The following SPACA7 variants were observed in gnomAD, a reference collection of about 807,000 sequenced individuals.
The protein encoded by SPACA7 is sperm acrosome-associated protein 7.
In SPACA7, 19 loss-of-function variants were observed where a neutral mutation model predicts 26.3. The ratio of observed to expected loss-of-function variants is 0.72; its 90% CI spans 0.50 to 1.06. The LOEUF is 1.06. Among genes scored for constraint, SPACA7 ranks in the 50% least tolerant of loss-of-function variants. The pLI is 0.00. For synonymous variants in SPACA7, 84 were observed against 84.5 expected (o/e 0.99, Z 0.04); for missense variants, 211 against 229.9 (o/e 0.92, Z 0.53).
Position 112,428,969 on chromosome 13 carries a change from G to A in SPACA7, c.446-3475G>A, listed in dbSNP as rs142452290. ...GTTGAAATCTCAAACCATAATTGTGGATGTGTTCATTACTCCTTTTAGTTC... is the reference window on the plus strand; with the variant it reads ...GTTGAAATCTCAAACCATAATTGTGAATGTGTTCATTACTCCTTTTAGTTC... On this transcript the variant is annotated intron_variant, in intron 5 of 6. Coordinates refer to ENST00000283550, the MANE Select transcript of SPACA7 (RefSeq NM_145248.5). Among the ~76,000 whole-genome samples, 15 of 152,264 alleles carry A rather than the reference G, an allele frequency of 9.9e-5. No individual in the cohort carries two copies. In the East Asian group the frequency reaches 2.5e-3, roughly 25 times the overall value.
At chr13:112,415,931 C>A (rs577992573) in intron 5 of SPACA7, among the ~76,000 whole-genome samples, 2 of 152,184 alleles carry the variant, frequency 1.3e-5, no homozygotes, top group South Asian at 4.2e-4. Flanking sequence ...CGGAATTCTG[C>A]CAGGTGCTGT....
chr13:112,410,958 A>T (rs1462731351), intron 5 of SPACA7, among the ~76,000 whole-genome samples: 1 of 152,146 alleles, frequency 6.6e-6, no homozygotes, highest in African/African-American at 2.4e-5. Context: ...TTTATTTTTA[A>T]CCACTCAACA....
In SPACA7 at chr13:112,393,026, C is replaced by T. The variant is rs1884995153; in HGVS notation, c.100C>T (p.Pro34Ser). Residue 34 changes from proline to serine, a missense_variant, in exon 2 of 7, where the codon CCT (proline) becomes TCT (serine). Transcript: ENST00000283550. ...GGGTTTTTATTTCCTTCTAGGTTCA[C>T]CTACTGAAATACCATTCAGTTCAAA... ...LRPRTVIPGS[P>S]TEIPFSSKQE... is the part of the protein sequence containing the mutation. 1.2e-6 allele frequency: 2 copies of T among 1,610,832 alleles called. No homozygotes were observed. The highest frequency in any genetic ancestry group is 1.7e-6 in the Non-Finnish European group (2 of 1,177,822).
chr13:112,399,923 G>C (rs995291738), intron 4 of SPACA7, among the ~76,000 whole-genome samples: 2 of 152,124 alleles, frequency 1.3e-5, no homozygotes, highest in Admixed American at 1.3e-4. Flanking sequence ...GAGAGTGAAG[G>C]GGGAGGTGCC....
intron 1 of SPACA7, 73 bp from the exon 2 acceptor site, chr13:112,392,948 A>G (rs1884988042): frequency 1.2e-5 from 16 of 1,373,078 alleles, no homozygotes; most frequent in South Asian, 6.6e-5. Flanking sequence ...CCACAAAACC[A>G]TATCCATTTA....
intron 5 of SPACA7, among the ~76,000 whole-genome samples, chr13:112,405,131 C>T (rs912583736): frequency 9.9e-5 from 15 of 151,936 alleles, no homozygotes; most frequent in African/African-American, 2.9e-4. Context: ...TACAGGCATC[C>T]GCCAACATGC....
At chr13:112,408,991 A>C (rs988242487) in intron 5 of SPACA7, among the ~76,000 whole-genome samples, 2 of 152,242 alleles carry the variant, frequency 1.3e-5, no homozygotes, top group Non-Finnish European at 2.9e-5. Flanking sequence ...TAACCAAAAC[A>C]GCATGATACT....
Position 112,399,987 on chromosome 13 carries a change from G to C in SPACA7, c.349+814G>C, listed in dbSNP as rs186636889. Reference sequence around the variant, plus strand: ...CTCACTATCATGAGAACAGCAAGGAGCAACTCTGCCCCCATGATCCAATCA... The same window carrying C: ...CTCACTATCATGAGAACAGCAAGGACCAACTCTGCCCCCATGATCCAATCA... On this transcript the variant is annotated intron_variant, in intron 4 of 6. Transcript: ENST00000283550. 1.1e-4 allele frequency among the ~76,000 whole-genome samples: 16 copies of C among 152,212 alleles called. No homozygotes were observed. The East Asian group carries it at 2.9e-3, about 28-fold the overall frequency.
chr13:112,376,629 T>A, intron 1 of SPACA7, 150 bp downstream of exon 1: 1 of 872,196 alleles, frequency 1.1e-6, no homozygotes, highest in Non-Finnish European at 1.7e-6. Flanking sequence ...AGTCTTTCTA[T>A]CTTTGAAGAC....
intron 1 of SPACA7, among the ~76,000 whole-genome samples, chr13:112,388,044 T>C (rs1484534095): frequency 6.6e-6 from 1 of 152,128 alleles, no homozygotes; most frequent in African/African-American, 2.4e-5. Flanking sequence ...CTAGGGCTCA[T>C]CAAATGTGAC....
intron 1 of SPACA7, among the ~76,000 whole-genome samples, chr13:112,384,450 GT>G (rs1009053115): frequency 2.0e-5 from 3 of 151,980 alleles, no homozygotes; most frequent in Non-Finnish European, 4.4e-5. Context: ...ACACCATTTT[GT>G]ATTTGACAAT....
At chr13:112,383,042 A>AAGAGAGAGAGAGAGAGAG (rs1317938798) in intron 1 of SPACA7, among the ~76,000 whole-genome samples, 3 of 147,566 alleles carry the variant, frequency 2.0e-5, no homozygotes, top group Non-Finnish European at 3.0e-5. Flanking sequence ...GAGAGAGAGA[A>AAGAGAGAGAGAGAGAGAG]AGACAGAAGG....
chr13:112,400,304 A>G (rs1885555202), intron 4 of SPACA7, among the ~76,000 whole-genome samples: 1 of 152,206 alleles, frequency 6.6e-6, no homozygotes, highest in Admixed American at 6.5e-5. Flanking sequence ...TTAAACAGGA[A>G]TAAGATTTTA....
chr13:112,418,612 C>T (rs554880377), intron 5 of SPACA7, among the ~76,000 whole-genome samples: 1 of 152,294 alleles, frequency 6.6e-6, no homozygotes, highest in South Asian at 2.1e-4. Flanking sequence ...GAAGCAAATA[C>T]AAACTTGATG....
intron 5 of SPACA7, among the ~76,000 whole-genome samples, chr13:112,426,640 A>G (rs1313303146): frequency 4.6e-5 from 7 of 152,338 alleles, no homozygotes; most frequent in Middle Eastern, 3.4e-3. Context: ...AGTGTTTAGT[A>G]GTTACTGATA....
At chr13:112,403,066 A>C (rs1165862271) in intron 5 of SPACA7, among the ~76,000 whole-genome samples, 1 of 151,976 alleles carries the variant, frequency 6.6e-6, no homozygotes, top group Non-Finnish European at 1.5e-5. Context: ...CATCAGAAGC[A>C]TTTTGTCTTT....
intron 1 of SPACA7, among the ~76,000 whole-genome samples, chr13:112,381,428 G>A (rs1232903345): frequency 1.3e-5 from 2 of 151,602 alleles, no homozygotes; most frequent in African/African-American, 4.9e-5. Flanking sequence ...AAGAGGTCGA[G>A]GCTGCAGTGA....
chr13:112,432,634 G>A lies in SPACA7; in HGVS notation c.523+113G>A, dbSNP rs910484576. On this transcript the variant is annotated intron_variant, in intron 6 of 6. Coordinates refer to ENST00000283550, the MANE Select transcript of SPACA7 (RefSeq NM_145248.5). Reference sequence around the variant, plus strand: ...GAGAGCAGGTGAGCCCAGCCCCCAGGTGGACCTACCTGAGCTCCACAGGAG... The same window carrying A: ...GAGAGCAGGTGAGCCCAGCCCCCAGATGGACCTACCTGAGCTCCACAGGAG... The A allele has an allele frequency of 5.5e-5, 42 of 766,668 alleles. No individual in the cohort carries two copies. The African/African-American group carries it at 6.6e-4, about 12-fold the overall frequency. The allele number at this position is 766,668 out of a possible 1,614,324, so 47.5% of individuals were successfully genotyped here. A position where few individuals can be genotyped will look rare whatever the true frequency, so the allele number is the denominator to read the frequency against.
chr13:112,384,474 G>A (rs1405367206), intron 1 of SPACA7, among the ~76,000 whole-genome samples: 1 of 152,018 alleles, frequency 6.6e-6, no homozygotes, highest in Non-Finnish European at 1.5e-5. Context: ...TTCCTGTATG[G>A]TTTTTATACC....
Sources: allele counts gnomAD v4.1 joint callset (sites outside exome capture counted in the v4.1 genomes callset), GRCh38; gene constraint gnomAD v4.1.1; transcripts MANE v1.5; gene names NCBI Gene and HGNC (gene_info 2026-07-23, HGNC 2026-07-21).